CEP89: variants seen among roughly 807,000 people sequenced by gnomAD.
CEP89 encodes the protein centrosomal protein of 89 kDa.
Under a neutral mutation model 97.6 loss-of-function variants are expected in CEP89, and 95 were observed. The observed-to-expected ratio is 0.97, with a 90% CI of 0.82 to 1.15. The LOEUF (loss-of-function observed/expected upper bound fraction) is 1.15. Ranked by LOEUF, CEP89 falls within the 50% of genes most tolerant of loss-of-function variation. The pLI is 0.00. For missense variants in CEP89, 869 were observed against 947.7 expected (o/e 0.92, Z 1.09); for synonymous variants, 354 against 349.1 (o/e 1.01, Z -0.16).
At chr19:32,913,692 G>A (rs1308873586) in intron 14 of CEP89, among the ~76,000 whole-genome samples, 5 of 148,812 alleles carry the variant, frequency 3.4e-5, no homozygotes, top group Non-Finnish European at 7.4e-5. Context: ...AGGCTGGAGT[G>A]CAGTATTGCA....
intron 14 of CEP89, among the ~76,000 whole-genome samples, chr19:32,912,535 C>G (rs1405563712): frequency 1.3e-5 from 2 of 152,140 alleles, no homozygotes; most frequent in Admixed American, 6.5e-5. Flanking sequence ...TGCCTGCCCC[C>G]ACAATTGTGT....
intron 16 of CEP89, among the ~76,000 whole-genome samples, chr19:32,898,313 G>A (rs1366287372): frequency 6.6e-6 from 1 of 152,120 alleles, no homozygotes; most frequent in Non-Finnish European, 1.5e-5. Context: ...TCATTCATAT[G>A]TGGGGGCTAA....
At chr19:32,953,252 T>A (rs749102605) in intron 4 of CEP89, among the ~76,000 whole-genome samples, 3 of 151,158 alleles carry the variant, frequency 2.0e-5, no homozygotes, top group Non-Finnish European at 4.4e-5. Context: ...GAGACACGCA[T>A]GACGATCTTC....
chr19:32,966,665 A>G (rs1203765780), intron 1 of CEP89, among the ~76,000 whole-genome samples, 199 bp from the exon 2 acceptor site: 1 of 152,068 alleles, frequency 6.6e-6, no homozygotes, highest in Non-Finnish European at 1.5e-5. Flanking sequence ...GAGCATCATG[A>G]TAGCTGCTCA....
At chr19:32,931,327 A>G in intron 9 of CEP89, 102 bp downstream of exon 9, 1 of 1,086,174 alleles carries the variant, frequency 9.2e-7, no homozygotes, top group South Asian at 1.7e-5. Context: ...AGCTTTTCTT[A>G]CATCAAATTA....
At chr19:32,942,133 G>A (rs956902625) in intron 5 of CEP89, among the ~76,000 whole-genome samples, 3 of 152,184 alleles carry the variant, frequency 2.0e-5, no homozygotes, top group African/African-American at 7.2e-5. Context: ...TGTAACCCCA[G>A]CACTTTGGGA....
intron 14 of CEP89, among the ~76,000 whole-genome samples, chr19:32,904,486 A>G (rs1034603949): frequency 2.7e-4 from 41 of 152,170 alleles, no homozygotes; most frequent in African/African-American, 9.7e-4. Context: ...ATCTTTCCAC[A>G]TCTATTTGTG....
intron 14 of CEP89, among the ~76,000 whole-genome samples, chr19:32,909,775 G>C (rs1365031533): frequency 6.6e-6 from 1 of 152,192 alleles, no homozygotes; most frequent in Admixed American, 6.6e-5. Flanking sequence ...ACCCATCCAG[G>C]AGGTCCAGCC....
rs745959 is a variant in CEP89, at chr19:32,879,255, A to C, written c.2259T>G (p.Val753=). 0.32 allele frequency: 518,445 copies of C among 1,613,506 alleles called. 89,618 individuals carry two copies. The highest frequency in any genetic ancestry group is 0.36 in the Non-Finnish European group (430,020 of 1,179,472). The stretch of plus-strand genomic sequence containing the variant: ...GAGAGACGCCATTGAGGCTGGGGGC[A>C]ACCAGAGCTCTGGGGTTGTCCTGCA... ...TGVQDNPRAL[V]APSLNGVSQA... The change falls in exon 19 of 19, where the codon GTT becomes GTG. Residue 753 remains valine (V), a synonymous_variant. Transcript: ENST00000305768.
intron 9 of CEP89, among the ~76,000 whole-genome samples, chr19:32,927,357 T>C (rs1488544210): frequency 2.0e-5 from 3 of 152,160 alleles, no homozygotes; most frequent in Non-Finnish European, 4.4e-5. Flanking sequence ...ACCACAGTAC[T>C]GTCATGAAAA....
intron 3 of CEP89, among the ~76,000 whole-genome samples, chr19:32,959,046 CAA>C (rs34340476): frequency 0.19 from 19,134 of 102,228 alleles, 1,294 homozygotes; most frequent in East Asian, 0.36. Flanking sequence ...ACAAACAAAA[CAA>C]AAAAAAAAAA....
intron 17 of CEP89, among the ~76,000 whole-genome samples, chr19:32,883,187 G>T (rs963197800): frequency 6.6e-6 from 1 of 151,902 alleles, no homozygotes; most frequent in Non-Finnish European, 1.5e-5. Context: ...TATTGTCACA[G>T]AGAGTCTGAC....
In CEP89 at chr19:32,893,096, A is replaced by G. The variant is rs994259211; in HGVS notation, c.1876-5255T>C. On this transcript the variant is annotated intron_variant, in intron 16 of 18. Transcript: ENST00000305768. Reference sequence around the variant, plus strand: ...CCACTTAAAAGATACAGACTGGCTGAATGGATATCAGAAAAAAAAAACACG... The same window carrying G: ...CCACTTAAAAGATACAGACTGGCTGGATGGATATCAGAAAAAAAAAACACG... 1.2e-4 allele frequency among the ~76,000 whole-genome samples: 18 copies of G among 147,898 alleles called. No individual in the cohort carries two copies. The East Asian group carries it at 3.7e-3, about 31-fold the overall frequency.
chr19:32,926,274 C>A lies in CEP89; in HGVS notation c.1081-1G>T. 1.2e-6 allele frequency: 2 copies of A among 1,603,348 alleles called. No homozygotes were observed. Among genetic ancestry groups the A allele is most frequent in the African/African-American group, 2.7e-5 (2 of 74,854 alleles). On this transcript the variant is annotated splice_acceptor_variant, in intron 10 of 18. Transcript: ENST00000305768. LOFTEE classifies it high-confidence loss of function. Reference sequence around the variant, plus strand: ...ATGGTGACAGGTACTTTATATCCAACTGAAGATAGAGAGTAAAGGAAGGTT... The same window carrying A: ...ATGGTGACAGGTACTTTATATCCAAATGAAGATAGAGAGTAAAGGAAGGTT...
chr19:32,908,330 G>C (rs1245116165), intron 14 of CEP89, among the ~76,000 whole-genome samples: 1 of 152,252 alleles, frequency 6.6e-6, no homozygotes, highest in African/African-American at 2.4e-5. Flanking sequence ...TTGTGGCTCA[G>C]AATGAACTGG....
intron 8 of CEP89, among the ~76,000 whole-genome samples, chr19:32,932,936 G>A (rs1450725975): frequency 6.6e-6 from 1 of 152,118 alleles, no homozygotes; most frequent in African/African-American, 2.4e-5. Flanking sequence ...GGTGACAAGA[G>A]TGGGATGCTG....
At position 32,945,688 on chromosome 19, in the gene CEP89, T is replaced by G. The variant is rs532847936; in HGVS notation, c.595+2578A>C. On this transcript the variant is annotated intron_variant, in intron 5 of 18. Coordinates refer to ENST00000305768, the MANE Select transcript of CEP89 (RefSeq NM_032816.5). The stretch of plus-strand genomic sequence containing the variant: ...CTTTTTTTAATTTCTGGTTTTAGAG[T>G]CCAAGGGTCTCACTATATTACCCAG... Among the ~76,000 whole-genome samples the G allele has an allele frequency of 4.6e-4, 70 of 152,198 alleles. 1 individual carries two copies. The highest frequency in any genetic ancestry group is 3.1e-4 in the Non-Finnish European group (21 of 68,020).
At chr19:32,904,355 C>T (rs2145892744) in intron 14 of CEP89, among the ~76,000 whole-genome samples, 1 of 152,272 alleles carries the variant, frequency 6.6e-6, no homozygotes, top group African/African-American at 2.4e-5. Context: ...CAGCCAGCAT[C>T]TTTAAAACTG....
At chr19:32,881,107 A>G (rs1969270874) in intron 18 of CEP89, among the ~76,000 whole-genome samples, 1 of 152,174 alleles carries the variant, frequency 6.6e-6, no homozygotes, top group South Asian at 2.1e-4. Context: ...GTTCCCCATG[A>G]GTGGGGATCC....
Sources: gnomAD v4.1 joint callset for allele counts (sites outside exome capture counted in the v4.1 genomes callset) on GRCh38, gnomAD v4.1.1 for gene constraint, MANE v1.5 for transcripts, NCBI Gene and HGNC (gene_info 2026-07-23, HGNC 2026-07-21) for gene names.